SEMA3D: variants seen among roughly 807,000 people sequenced by gnomAD.
The protein encoded by SEMA3D is semaphorin 3D.
A neutral mutation model predicts 100.1 loss-of-function variants in SEMA3D; 84 were observed. The observed-to-expected ratio is 0.84, with a 90% confidence interval of 0.70 to 1.01. The LOEUF (loss-of-function observed/expected upper bound fraction) is 1.01, where lower values mean the gene tolerates loss of function less well. Among genes scored for constraint, SEMA3D ranks in the 50% least tolerant of loss-of-function variants. The pLI, the probability that SEMA3D is intolerant of heterozygous loss-of-function variation, is 0.00. For synonymous variants in SEMA3D, 312 were observed against 320.7 expected (o/e 0.97, Z 0.29); for missense variants, 875 against 934.1 (o/e 0.94, Z 0.82).
At chr7:85,109,475 C>T (rs977547121) in intron 3 of SEMA3D, among the ~76,000 whole-genome samples, 1 of 151,926 alleles carries the variant, frequency 6.6e-6, no homozygotes, top group Non-Finnish European at 1.5e-5. Flanking sequence ...ATCGGGATTA[C>T]TGAAGTATTT....
At chr7:85,149,936 C>T (rs1361689680) in intron 2 of SEMA3D, among the ~76,000 whole-genome samples, 1 of 151,994 alleles carries the variant, frequency 6.6e-6, no homozygotes, top group Non-Finnish European at 1.5e-5. Flanking sequence ...TTAATTTTAA[C>T]ATTCAAGGGG....
chr7:85,245,881 A>G, the SEMA3D span, among the ~76,000 whole-genome samples: 1 of 152,136 alleles, frequency 6.6e-6, no homozygotes, highest in Non-Finnish European at 1.5e-5. Flanking sequence ...GCCTTTGGCT[A>G]TATCATAGTT....
At chr7:85,242,358 TAA>T in the SEMA3D span, among the ~76,000 whole-genome samples, 2 of 152,206 alleles carry the variant, frequency 1.3e-5, no homozygotes, top group Admixed American at 6.5e-5. Context: ...CAAATTTTGA[TAA>T]GTTGTATTTT....
At chr7:85,202,124 C>A in the SEMA3D span, among the ~76,000 whole-genome samples, 2 of 151,074 alleles carry the variant, frequency 1.3e-5, no homozygotes, top group Non-Finnish European at 3.0e-5. Context: ...TAGTTACATA[C>A]ATATACATGT....
chr7:85,114,236 C>G (rs1395049190), intron 3 of SEMA3D, among the ~76,000 whole-genome samples: 1 of 152,078 alleles, frequency 6.6e-6, no homozygotes, highest in Non-Finnish European at 1.5e-5. Context: ...TTTTAAAATT[C>G]AGGAAAAGAG....
chr7:85,052,382 A>G (rs1791191220), intron 9 of SEMA3D, among the ~76,000 whole-genome samples: 2 of 151,946 alleles, frequency 1.3e-5, no homozygotes, highest in Non-Finnish European at 2.9e-5. Context: ...TCTAATCTCA[A>G]AAGTCATTGC....
intron 2 of SEMA3D, among the ~76,000 whole-genome samples, chr7:85,147,672 CTTA>C (rs1168512456): frequency 6.6e-6 from 1 of 151,926 alleles, no homozygotes; most frequent in African/African-American, 2.4e-5. Context: ...TTTCAAGTAC[CTTA>C]TTATTTAAAT....
chr7:85,069,989 C>T (rs1196643876), intron 6 of SEMA3D, among the ~76,000 whole-genome samples: 3 of 152,170 alleles, frequency 2.0e-5, no homozygotes, highest in African/African-American at 7.2e-5. Context: ...GAAGCAAGTG[C>T]TATGCCAAAT....
chr7:85,178,940 T>C (rs910993412), intron 1 of SEMA3D, among the ~76,000 whole-genome samples: 16 of 152,182 alleles, frequency 1.1e-4, no homozygotes, highest in African/African-American at 3.4e-4. Context: ...AAGTTACAGC[T>C]CAGGCCATTG....
chr7:85,007,001 A>G, intron 17 of SEMA3D, 60 bp from the exon 18 acceptor site: 1 of 1,387,994 alleles, frequency 7.2e-7, no homozygotes, highest in East Asian at 2.3e-5. Flanking sequence ...GCAATGGGAA[A>G]ACAGACTGAT....
At chr7:85,016,352 T>C (rs1441415682) in intron 15 of SEMA3D, among the ~76,000 whole-genome samples, 1 of 150,924 alleles carries the variant, frequency 6.6e-6, no homozygotes, top group Non-Finnish European at 1.5e-5. Flanking sequence ...TTGAAAACAA[T>C]ATAAGTATAA....
the SEMA3D span, among the ~76,000 whole-genome samples, chr7:85,199,934 T>C: frequency 6.6e-6 from 1 of 152,176 alleles, no homozygotes; most frequent in Non-Finnish European, 1.5e-5. Flanking sequence ...CGAGATCTGA[T>C]GGTTTTAGAA....
chr7:85,017,633 C>A (rs1790141622), intron 15 of SEMA3D, among the ~76,000 whole-genome samples: 1 of 151,566 alleles, frequency 6.6e-6, no homozygotes, highest in African/African-American at 2.4e-5. Flanking sequence ...TCTCTTGAAA[C>A]AATTGTAATT....
intron 12 of SEMA3D, chr7:85,028,551 A>G: frequency 3.2e-6 from 1 of 309,224 alleles, no homozygotes; most frequent in Admixed American, 4.8e-5. Context: ...AATGTCAACC[A>G]TTTTACTGGT....
At chr7:85,184,797 A>G (rs1791495930) in intron 1 of SEMA3D, among the ~76,000 whole-genome samples, 1 of 152,066 alleles carries the variant, frequency 6.6e-6, no homozygotes, top group Non-Finnish European at 1.5e-5. Flanking sequence ...GTCATTGCCC[A>G]TCTCCCTGAC....
chr7:85,244,145 T>G, the SEMA3D span, among the ~76,000 whole-genome samples: 1 of 152,084 alleles, frequency 6.6e-6, no homozygotes, highest in South Asian at 2.1e-4. Flanking sequence ...GGCATCTGCT[T>G]AGCTTCTGAT....
At chr7:85,123,854 T>C (rs1037237380) in intron 2 of SEMA3D, among the ~76,000 whole-genome samples, 10 of 152,188 alleles carry the variant, frequency 6.6e-5, no homozygotes, top group African/African-American at 2.4e-4. Context: ...GTATTAAATA[T>C]AACAAATATT....
intron 12 of SEMA3D, among the ~76,000 whole-genome samples, chr7:85,030,042 G>C (rs1790503176): frequency 1.3e-5 from 2 of 151,994 alleles, no homozygotes; most frequent in East Asian, 1.9e-4. Context: ...GTGTTGGACA[G>C]TGGAAGAGGC....
the SEMA3D span, among the ~76,000 whole-genome samples, chr7:85,216,337 T>C: frequency 1.3e-5 from 2 of 148,688 alleles, no homozygotes; most frequent in Non-Finnish European, 3.0e-5. Context: ...CCAGTTCAAC[T>C]TGTAACACAA....
Sources: allele counts gnomAD v4.1 joint callset (sites outside exome capture counted in the v4.1 genomes callset), GRCh38; gene constraint gnomAD v4.1.1; transcripts MANE v1.5; gene names NCBI Gene and HGNC (gene_info 2026-07-23, HGNC 2026-07-21).